Variants in RNF220 observed in about 807,000 individuals in gnomAD.
The protein encoded by RNF220 is ring finger protein 220.
RNF220 carries 7 observed loss-of-function variants against 67.1 expected under a neutral mutation model. That is an observed-to-expected ratio of 0.10 (90% CI 0.06 to 0.20). The LOEUF (loss-of-function observed/expected upper bound fraction) is 0.20, where lower values mean the gene tolerates loss of function less well. Ranked by LOEUF, RNF220 falls within the 10% of genes least tolerant of loss-of-function variation. The pLI is 1.00. For missense variants in RNF220, 565 were observed against 740.3 expected (o/e 0.76, Z 2.75); for synonymous variants, 270 against 283.2 (o/e 0.95, Z 0.47).
intron 2 of RNF220, among the ~76,000 whole-genome samples, chr1:44,579,737 C>A (rs1013057235): frequency 1.3e-5 from 2 of 152,104 alleles, no homozygotes; most frequent in African/African-American, 4.8e-5. Context: ...TATCTTTGGA[C>A]CATGTCCTGA....
At chr1:44,482,915 C>A (rs1655955025) in intron 2 of RNF220, among the ~76,000 whole-genome samples, 2 of 148,816 alleles carry the variant, frequency 1.3e-5, no homozygotes, top group Admixed American at 6.8e-5. Context: ...GCCACCACAC[C>A]CAGCCTTTTT....
At chr1:44,516,810 C>T (rs61787522) in intron 2 of RNF220, among the ~76,000 whole-genome samples, 1 of 152,020 alleles carries the variant, frequency 6.6e-6, no homozygotes, top group Admixed American at 6.6e-5. Context: ...TTTTTGTCCT[C>T]TCCTGTCCCC....
At chr1:44,523,400 C>T (rs1044658743) in intron 2 of RNF220, among the ~76,000 whole-genome samples, 3 of 152,210 alleles carry the variant, frequency 2.0e-5, no homozygotes, top group Admixed American at 6.5e-5. Context: ...GTGAGCTGGC[C>T]TGAACCCTAG....
At chr1:44,614,322 C>T (rs1272739078) in intron 3 of RNF220, 25 bp downstream of exon 3, 3 of 1,611,170 alleles carry the variant, frequency 1.9e-6, no homozygotes, top group Non-Finnish European at 2.5e-6. Context: ...AGGGAGCCTG[C>T]CTGCTGGAGG....
intron 2 of RNF220, among the ~76,000 whole-genome samples, chr1:44,548,497 CT>C (rs895094085): frequency 2.0e-3 from 309 of 151,420 alleles, no homozygotes; most frequent in African/African-American, 7.2e-3. Flanking sequence ...TTCTTCTTTT[CT>C]TTTTTTTTCT....
At chr1:44,564,147 G>A (rs1422619672) in intron 2 of RNF220, among the ~76,000 whole-genome samples, 1 of 152,170 alleles carries the variant, frequency 6.6e-6, no homozygotes, top group Non-Finnish European at 1.5e-5. Context: ...GATGAATGGG[G>A]GACCAGAGAG....
chr1:44,428,284 A>G (rs997848369), intron 2 of RNF220, among the ~76,000 whole-genome samples: 2 of 152,198 alleles, frequency 1.3e-5, no homozygotes, highest in African/African-American at 4.8e-5. Flanking sequence ...CAGCCAACTC[A>G]GATAGCAAGT....
chr1:44,444,637 C>T (rs150684082), intron 2 of RNF220, among the ~76,000 whole-genome samples: 2 of 149,036 alleles, frequency 1.3e-5, no homozygotes, highest in East Asian at 2.0e-4. Flanking sequence ...GACAGGATTT[C>T]GCCATGTTGG....
At chr1:44,471,776 A>G (rs1368411100) in intron 2 of RNF220, among the ~76,000 whole-genome samples, 1 of 152,112 alleles carries the variant, frequency 6.6e-6, no homozygotes, top group African/African-American at 2.4e-5. Context: ...GTGAGCCGAG[A>G]TCGCACCATT....
intron 2 of RNF220, among the ~76,000 whole-genome samples, chr1:44,567,243 T>G (rs1664092786): frequency 6.6e-6 from 1 of 151,950 alleles, no homozygotes; most frequent in African/African-American, 2.4e-5. Flanking sequence ...AAGAGTGTTG[T>G]TTTGAGCAAA....
At chr1:44,541,967 G>A (rs144412850) in intron 2 of RNF220, among the ~76,000 whole-genome samples, 54 of 152,222 alleles carry the variant, frequency 3.5e-4, no homozygotes, top group African/African-American at 1.1e-3. Flanking sequence ...TGCATCTCTC[G>A]CTGTGACAAT....
intron 2 of RNF220, among the ~76,000 whole-genome samples, chr1:44,560,902 G>A (rs1415064430): frequency 2.4e-5 from 2 of 84,508 alleles, no homozygotes; most frequent in Non-Finnish European, 3.5e-5. Flanking sequence ...TGCCAGGCCT[G>A]TACATGCACC....
intron 2 of RNF220, among the ~76,000 whole-genome samples, chr1:44,609,282 C>T (rs987163011): frequency 6.6e-5 from 10 of 152,166 alleles, no homozygotes; most frequent in Admixed American, 5.2e-4. Flanking sequence ...CCTCCTCATC[C>T]CTGTCAGACA....
intron 2 of RNF220, among the ~76,000 whole-genome samples, chr1:44,509,884 CCAAAAAAAA>C (rs1256632432): frequency 1.7e-4 from 14 of 80,406 alleles, no homozygotes; most frequent in African/African-American, 6.1e-4. Flanking sequence ...GAGACCCTGT[CCAAAAAAAA>C]AAAAAAAAAA....
chr1:44,529,782 G>A (rs991420754), intron 2 of RNF220, among the ~76,000 whole-genome samples: 3 of 152,140 alleles, frequency 2.0e-5, no homozygotes, highest in Non-Finnish European at 2.9e-5. Flanking sequence ...CAATAGGCTG[G>A]TAATAGTGCT....
chr1:44,421,153 C>T (rs1421885768), intron 2 of RNF220, among the ~76,000 whole-genome samples: 1 of 152,082 alleles, frequency 6.6e-6, no homozygotes, highest in Non-Finnish European at 1.5e-5. Flanking sequence ...AGGTAATAGT[C>T]GAGTTAGAGA....
At chr1:44,533,853 G>A (rs1472197550) in intron 2 of RNF220, among the ~76,000 whole-genome samples, 1 of 152,238 alleles carries the variant, frequency 6.6e-6, no homozygotes, top group Non-Finnish European at 1.5e-5. Flanking sequence ...GTAAAAGAAA[G>A]CATCCATTTT....
At chr1:44,546,904 C>T (rs1294219242) in intron 2 of RNF220, among the ~76,000 whole-genome samples, 1 of 152,218 alleles carries the variant, frequency 6.6e-6, no homozygotes, top group Non-Finnish European at 1.5e-5. Flanking sequence ...TCCTCTCTCA[C>T]CTGCCCCAGT....
intron 2 of RNF220, among the ~76,000 whole-genome samples, chr1:44,522,963 C>T (rs113217677): frequency 2.1e-3 from 313 of 152,348 alleles, no homozygotes; most frequent in Non-Finnish European, 2.4e-3. Context: ...TCACAACCAA[C>T]AGCAGCCCAT....
Sources: allele counts gnomAD v4.1 joint callset (sites outside exome capture counted in the v4.1 genomes callset), GRCh38; gene constraint gnomAD v4.1.1; transcripts MANE v1.5; gene names NCBI Gene and HGNC (gene_info 2026-07-23, HGNC 2026-07-21).